XIRP2: variants seen among roughly 807,000 people sequenced by gnomAD.
The protein encoded by XIRP2 is xin actin binding repeat containing 2.
XIRP2 carries 236 observed loss-of-function variants against 277.0 expected under a neutral mutation model. The ratio of observed to expected loss-of-function variants is 0.85; its 90% CI spans 0.77 to 0.95. The LOEUF (loss-of-function observed/expected upper bound fraction) is 0.95. Ranked by LOEUF, XIRP2 falls within the 40% of genes least tolerant of loss-of-function variation. The pLI is 0.00. For missense variants in XIRP2, 4,640 were observed against 4,157.5 expected (o/e 1.12, Z -3.19); for synonymous variants, 1,490 against 1,416.5 (o/e 1.05, Z -1.17).
At chr2:167,203,846 TATG>T (rs1220490038) in intron 3 of XIRP2, among the ~76,000 whole-genome samples, 1 of 152,242 alleles carries the variant, frequency 6.6e-6, no homozygotes, top group Admixed American at 6.5e-5. Flanking sequence ...GCTCTGAGCC[TATG>T]ATATGTGTAT....
intron 2 of XIRP2, among the ~76,000 whole-genome samples, chr2:167,010,965 T>C (rs1305330038): frequency 6.6e-6 from 1 of 152,146 alleles, no homozygotes; most frequent in Non-Finnish European, 1.5e-5. Flanking sequence ...CTTAAGGAGA[T>C]TTTGGGCTGA....
Position 167,251,303 on chromosome 2 carries a change from G to T in XIRP2, c.9911G>T (p.Arg3304Leu). Residue 3304 changes from arginine (R) to leucine (L), a missense_variant, in exon 9 of 11, where the codon CGC becomes CTC. Transcript: ENST00000409195. The part of the protein sequence containing the change: ...EIIRKVAVPP[R>L]LSEHTQRYEA... ...ATCCGCAAGGTTGCAGTGCCTCCTC[G>T]CCTGTCAGAGCACACACAGAGATAT... The T allele has an allele frequency of 1.9e-6, 3 of 1,613,526 alleles. No individual in the cohort carries two copies. Among genetic ancestry groups the T allele is most frequent in the Non-Finnish European group, 2.5e-6 (3 of 1,179,672 alleles).
chr2:166,982,654 T>A lies in XIRP2; in HGVS notation c.408+78764T>A, dbSNP rs144752502. Among the ~76,000 whole-genome samples, 28 of 152,320 alleles carry A rather than the reference T, an allele frequency of 1.8e-4. No homozygotes were observed. The East Asian group carries it at 4.6e-3, about 25-fold the overall frequency. ...TCCTTGAGTTTACTTCTAATTTAGATAATAAATGTTTTGGTTCTATAATTT... is the reference window on the plus strand; with the variant it reads ...TCCTTGAGTTTACTTCTAATTTAGAAAATAAATGTTTTGGTTCTATAATTT... On this transcript the variant is annotated intron_variant, in intron 2 of 10. Transcript: ENST00000409195.
At chr2:166,902,664 G>A (rs1304810096) in intron 1 of XIRP2, among the ~76,000 whole-genome samples, 2 of 151,022 alleles carry the variant, frequency 1.3e-5, no homozygotes, top group South Asian at 2.1e-4. Flanking sequence ...CTTCCTTATC[G>A]TACCACAAAA....
At chr2:167,049,821 A>T (rs1173759024) in intron 2 of XIRP2, among the ~76,000 whole-genome samples, 1 of 152,088 alleles carries the variant, frequency 6.6e-6, no homozygotes, top group East Asian at 1.9e-4. Flanking sequence ...AGTGTGACAT[A>T]AAGTAAAAGT....
At chr2:167,237,407 C>G (rs1694931616) in intron 5 of XIRP2, among the ~76,000 whole-genome samples, 1 of 152,002 alleles carries the variant, frequency 6.6e-6, no homozygotes, top group Admixed American at 6.6e-5. Context: ...ACTCAAATTT[C>G]CATGGGTACC....
intron 2 of XIRP2, among the ~76,000 whole-genome samples, chr2:167,069,531 A>G (rs2105249019): frequency 6.6e-6 from 1 of 152,248 alleles, no homozygotes. Context: ...TTTGCTTTCC[A>G]GAAGCTTTGT....
chr2:167,176,293 C>A (rs1344933956), intron 3 of XIRP2, among the ~76,000 whole-genome samples: 1 of 150,848 alleles, frequency 6.6e-6, no homozygotes, highest in African/African-American at 2.5e-5. Context: ...CCACGTGAGG[C>A]AATGCCCCAC....
chr2:166,986,739 G>T (rs1035218230), intron 2 of XIRP2, among the ~76,000 whole-genome samples: 18 of 152,162 alleles, frequency 1.2e-4, no homozygotes, highest in African/African-American at 4.1e-4. Flanking sequence ...TCTTTGTATT[G>T]AATTAATTTA....
Position 167,246,535 on chromosome 2 carries a change from C to G in XIRP2, c.5143C>G (p.Arg1715Gly), listed in dbSNP as rs745448561. Residue 1715 changes from arginine to glycine, a missense_variant, in exon 9 of 11, where the codon CGT becomes GGT. Coordinates refer to ENST00000409195, the MANE Select transcript of XIRP2 (RefSeq NM_152381.6). ...REEVIGGDVKRTIHNLLSSTS... is the reference protein window; with the variant it reads ...REEVIGGDVKGTIHNLLSSTS... ...AGAAGTAATAGGTGGTGATGTCAAA[C>G]GTACCATTCATAATTTATTGTCTTC... 9 of 1,613,628 alleles carry G rather than the reference C, an allele frequency of 5.6e-6. No individual in the cohort carries two copies. The highest frequency in any genetic ancestry group is 7.6e-6 in the Non-Finnish European group (9 of 1,179,784).
At chr2:167,204,121 C>T (rs1019448715) in intron 3 of XIRP2, among the ~76,000 whole-genome samples, 4 of 152,130 alleles carry the variant, frequency 2.6e-5, no homozygotes, top group African/African-American at 4.8e-5. Context: ...CAGCACACTT[C>T]GCCTGGTTCT....
At chr2:166,974,478 T>G (rs1686660024) in intron 2 of XIRP2, among the ~76,000 whole-genome samples, 2 of 152,056 alleles carry the variant, frequency 1.3e-5, no homozygotes, top group South Asian at 4.1e-4. Context: ...TACACATATA[T>G]ACATCTATCT....
intron 3 of XIRP2, among the ~76,000 whole-genome samples, chr2:167,200,780 G>T (rs1025957082): frequency 6.6e-5 from 10 of 152,082 alleles, no homozygotes; most frequent in African/African-American, 2.4e-4. Context: ...GCCGACAGTA[G>T]CTGGGAAGTA....
At chr2:166,968,744 G>T (rs1375082037) in intron 2 of XIRP2, among the ~76,000 whole-genome samples, 1 of 151,654 alleles carries the variant, frequency 6.6e-6, no homozygotes, top group African/African-American at 2.4e-5. Context: ...TAAAAAATTT[G>T]ATTTTTTTTT....
chr2:167,227,573 T>C (rs1694642050), intron 5 of XIRP2, among the ~76,000 whole-genome samples: 1 of 151,934 alleles, frequency 6.6e-6, no homozygotes, highest in Admixed American at 6.6e-5. Flanking sequence ...CCAAGCATGG[T>C]GGCTGTGCTT....
intron 3 of XIRP2, among the ~76,000 whole-genome samples, chr2:167,171,964 C>T (rs190197154): frequency 1.7e-4 from 26 of 152,096 alleles, no homozygotes; most frequent in Admixed American, 9.2e-4. Context: ...TATATATTTA[C>T]GGGGTACATG....
At chr2:166,945,596 T>A (rs1685837906) in intron 2 of XIRP2, among the ~76,000 whole-genome samples, 1 of 151,696 alleles carries the variant, frequency 6.6e-6, no homozygotes. Flanking sequence ...AGGACTAAGT[T>A]CCTCAAAAGT....
chr2:167,031,824 A>C (rs1688367484), intron 2 of XIRP2, among the ~76,000 whole-genome samples: 1 of 152,136 alleles, frequency 6.6e-6, no homozygotes, highest in South Asian at 2.1e-4. Context: ...AAATGGAAAA[A>C]AATTCCATGC....
chr2:167,182,629 GATT>G (rs768334702), intron 3 of XIRP2, among the ~76,000 whole-genome samples: 1 of 152,118 alleles, frequency 6.6e-6, no homozygotes, highest in Non-Finnish European at 1.5e-5. Context: ...CACTTTTGCT[GATT>G]ATTAACTTTT....
Sources: gnomAD v4.1 joint callset for allele counts (sites outside exome capture counted in the v4.1 genomes callset) on GRCh38, gnomAD v4.1.1 for gene constraint, MANE v1.5 for transcripts, NCBI Gene and HGNC (gene_info 2026-07-23, HGNC 2026-07-21) for gene names.